The following MICU1 variants were observed in gnomAD, a reference collection of about 807,000 sequenced individuals.
The protein encoded by MICU1 is calcium uptake protein 1, mitochondrial.
Under a neutral mutation model 56.8 loss-of-function variants are expected in MICU1, and 45 were observed. The ratio of observed to expected loss-of-function variants is 0.79; its 90% CI spans 0.62 to 1.02. MICU1 has a LOEUF of 1.02. MICU1 is among the 50% of genes least tolerant of loss of function. MICU1 has a pLI of 0.00. For missense variants in MICU1, 504 were observed against 587.1 expected (o/e 0.86, Z 1.46); for synonymous variants, 186 against 195.1 (o/e 0.95, Z 0.39).
chr10:72,452,079 G>T (rs1269841115), intron 8 of MICU1, among the ~76,000 whole-genome samples: 3 of 152,124 alleles, frequency 2.0e-5, no homozygotes, highest in African/African-American at 7.2e-5. Context: ...TGTTGGCCAG[G>T]CTGGTCTTGA....
chr10:72,426,779 G>A (rs1177086305), intron 8 of MICU1, among the ~76,000 whole-genome samples: 1 of 152,132 alleles, frequency 6.6e-6, no homozygotes, highest in African/African-American at 2.4e-5. Flanking sequence ...CAAGCATTTT[G>A]GATAAGGGAT....
intron 3 of MICU1, among the ~76,000 whole-genome samples, chr10:72,554,674 G>A (rs1840114832): frequency 6.6e-6 from 1 of 152,154 alleles, no homozygotes; most frequent in Admixed American, 6.5e-5. Context: ...ATCATTTTAG[G>A]TTTCCTATAT....
At chr10:72,529,474 G>A (rs914021990) in intron 5 of MICU1, among the ~76,000 whole-genome samples, 2 of 152,090 alleles carry the variant, frequency 1.3e-5, no homozygotes, top group Non-Finnish European at 2.9e-5. Flanking sequence ...TGAATCCAAC[G>A]TTGCGGAAAT....
intron 1 of MICU1, among the ~76,000 whole-genome samples, chr10:72,623,906 A>C (rs1842170335): frequency 6.6e-6 from 1 of 151,968 alleles, no homozygotes; most frequent in South Asian, 2.1e-4. Flanking sequence ...TTAATTAATT[A>C]ATTAATTAAA....
chr10:72,476,226 CA>C (rs71018297), intron 7 of MICU1, among the ~76,000 whole-genome samples: 415 of 73,806 alleles, frequency 5.6e-3, no homozygotes, highest in East Asian at 0.051. Context: ...GACTCCATCT[CA>C]AAAAAAAAAA....
At position 72,482,337 on chromosome 10, in the gene MICU1, T is replaced by C. The variant is rs76243337; in HGVS notation, c.653-5081A>G. Reference sequence around the variant, plus strand: ...TTCTAAACAAGTTTCTTATTTTCTATTGGTTTGATTCTCCTATCAAAGAAT... The same window carrying C: ...TTCTAAACAAGTTTCTTATTTTCTACTGGTTTGATTCTCCTATCAAAGAAT... On this transcript the variant is annotated intron_variant, in intron 6 of 11. Transcript: ENST00000361114. 2.8e-3 allele frequency among the ~76,000 whole-genome samples: 427 copies of C among 152,356 alleles called. 4 individuals are homozygous for C. Among genetic ancestry groups the C allele is most frequent in the African/African-American group, 9.6e-3 (401 of 41,576 alleles).
intron 6 of MICU1, among the ~76,000 whole-genome samples, chr10:72,486,424 T>A (rs1294100579): frequency 6.6e-6 from 1 of 152,240 alleles, no homozygotes; most frequent in Non-Finnish European, 1.5e-5. Flanking sequence ...GAAAATTTAA[T>A]GAGACCATGG....
At chr10:72,484,724 C>T (rs541386324) in intron 6 of MICU1, among the ~76,000 whole-genome samples, 3 of 152,212 alleles carry the variant, frequency 2.0e-5, no homozygotes, top group South Asian at 2.1e-4. Flanking sequence ...CACTGTGCTC[C>T]GGCCTGGGCA....
At chr10:72,542,766 T>C (rs1278802403) in intron 4 of MICU1, among the ~76,000 whole-genome samples, 1 of 152,224 alleles carries the variant, frequency 6.6e-6, no homozygotes, top group Non-Finnish European at 1.5e-5. Flanking sequence ...TTTTTCGGTA[T>C]CTGCATTTGT....
intron 7 of MICU1, 137 bp from the exon 8 acceptor site, chr10:72,475,434 ATT>A (rs5786077): frequency 4.1e-5 from 25 of 614,566 alleles, no homozygotes; most frequent in Middle Eastern, 5.0e-4. Flanking sequence ...GCTTACAACA[ATT>A]TTTTTTTTTT....
chr10:72,559,733 G>C (rs1383790219), intron 3 of MICU1, among the ~76,000 whole-genome samples: 1 of 152,104 alleles, frequency 6.6e-6, no homozygotes, highest in African/African-American at 2.4e-5. Flanking sequence ...GAATGTGAAG[G>C]ACAACATGTA....
rs529435579 is a variant in MICU1 at position 72,502,248 on chromosome 10, A to G, written c.652+5907T>C. On this transcript the variant is annotated intron_variant, in intron 6 of 11. Coordinates refer to ENST00000361114, the MANE Select transcript of MICU1 (RefSeq NM_001195518.2). ...CAGCTCACTGCAACCTCTGCTTCCC[A>G]GGTTTAAGCAATTTTCCTGCCTCAG... Among the ~76,000 whole-genome samples the G allele has an allele frequency of 2.5e-4, 36 of 144,548 alleles. No homozygotes were observed. The South Asian group carries it at 7.5e-3, about 30-fold the overall frequency. 94.8% of individuals were successfully genotyped at this position (144,548 alleles called of 152,430 possible).
intron 10 of MICU1, among the ~76,000 whole-genome samples, chr10:72,397,387 T>A (rs1052915026): frequency 1.9e-4 from 29 of 152,200 alleles, no homozygotes; most frequent in African/African-American, 6.7e-4. Context: ...ATGGGCAAAA[T>A]AACCAGCGAA....
intron 4 of MICU1, among the ~76,000 whole-genome samples, chr10:72,535,884 G>A (rs976267126): frequency 1.3e-5 from 2 of 152,054 alleles, no homozygotes; most frequent in African/African-American, 4.8e-5. Context: ...AGGTAGAAAG[G>A]AAGAAATTCT....
At chr10:72,546,141 G>A (rs1839888052) in intron 4 of MICU1, among the ~76,000 whole-genome samples, 1 of 152,230 alleles carries the variant, frequency 6.6e-6, no homozygotes, top group South Asian at 2.1e-4. Context: ...CACTTTTCTT[G>A]TCTTAACTGA....
chr10:72,610,127 G>A (rs1320354555), intron 1 of MICU1, among the ~76,000 whole-genome samples: 1 of 151,880 alleles, frequency 6.6e-6, no homozygotes, highest in Non-Finnish European at 1.5e-5. Flanking sequence ...TTGGCATGGT[G>A]GTACACACCT....
chr10:72,487,430 A>G (rs915323471), intron 6 of MICU1, among the ~76,000 whole-genome samples: 4 of 152,202 alleles, frequency 2.6e-5, no homozygotes, highest in Admixed American at 2.6e-4. Context: ...CATTTCTTCA[A>G]ATAACTGTAA....
intron 1 of MICU1, among the ~76,000 whole-genome samples, chr10:72,586,103 C>A (rs561477921): frequency 5.2e-4 from 71 of 137,358 alleles, no homozygotes; most frequent in African/African-American, 1.7e-3. Context: ...CAGCCTCTCT[C>A]TTCCAGGCTC....
intron 4 of MICU1, among the ~76,000 whole-genome samples, chr10:72,543,954 AAAG>A (rs1320240756): frequency 1.3e-5 from 2 of 152,210 alleles, no homozygotes; most frequent in South Asian, 2.1e-4. Flanking sequence ...GCCTCCAAAG[AAAG>A]AAGAAGTAAA....
Sources: allele counts gnomAD v4.1 joint callset (sites outside exome capture counted in the v4.1 genomes callset), GRCh38; gene constraint gnomAD v4.1.1; transcripts MANE v1.5; gene names NCBI Gene and HGNC (gene_info 2026-07-23, HGNC 2026-07-21).